Variants in LPCAT1 observed in about 807,000 individuals in gnomAD.
LPCAT1 encodes 1-acylglycerol-3-phosphate O-acyltransferase.
Under a neutral mutation model 60.9 loss-of-function variants are expected in LPCAT1, and 23 were observed. The ratio of observed to expected loss-of-function variants is 0.38; its 90% CI spans 0.27 to 0.53. The LOEUF (loss-of-function observed/expected upper bound fraction) is 0.53, where lower values mean the gene tolerates loss of function less well. Ranked by LOEUF, LPCAT1 falls within the 20% of genes least tolerant of loss-of-function variation. LPCAT1 has a pLI of 0.82. For synonymous variants in LPCAT1, 340 were observed against 301.1 expected (o/e 1.13, Z -1.34); for missense variants, 622 against 723.6 (o/e 0.86, Z 1.61).
At chr5:1,467,281 C>T (rs1480114615) in intron 12 of LPCAT1, 11 of 210,970 alleles carry the variant, frequency 5.2e-5, no homozygotes, top group African/African-American at 2.5e-4. Flanking sequence ...CCTCTGCCTC[C>T]GTGAGTGCAG....
At chr5:1,506,050 G>A (rs568435976) in intron 1 of LPCAT1, among the ~76,000 whole-genome samples, 3 of 152,254 alleles carry the variant, frequency 2.0e-5, no homozygotes, top group Non-Finnish European at 4.4e-5. Flanking sequence ...AGAGGGGCCT[G>A]TGGGCCACAG....
intron 12 of LPCAT1, 46 bp from the exon 13 acceptor site, chr5:1,466,936 A>C: frequency 6.8e-7 from 1 of 1,474,866 alleles, no homozygotes; most frequent in South Asian, 1.4e-5. Flanking sequence ...TCCCCTGCCC[A>C]CCAGGCCCCG....
rs1736061979 is a variant in LPCAT1 at position 1,502,667 on chromosome 5, GA to G, written c.136-1065del. ...AGGGGCGGGAGGCTTTGGGTGAGGGGAAACACCAGTCCTGAGGTGCAGGTTT... is the reference window on the plus strand; with the variant it reads ...AGGGGCGGGAGGCTTTGGGTGAGGGGAACACCAGTCCTGAGGTGCAGGTTT... On this transcript the variant is annotated intron_variant, in intron 1 of 13. Transcript: ENST00000283415. The surrounding 1 kb of genome is among the most constrained non-coding windows in gnomAD (Gnocchi z 5.5). Among the ~76,000 whole-genome samples, 1 of 151,976 alleles carries G rather than the reference GA, an allele frequency of 6.6e-6. No individual in the cohort carries two copies.
chr5:1,509,176 C>T (rs538842209), intron 1 of LPCAT1, among the ~76,000 whole-genome samples: 29 of 152,376 alleles, frequency 1.9e-4, no homozygotes, highest in East Asian at 7.7e-4. Context: ...ACTCGAAGGC[C>T]GCGAGGCCGC....
chr5:1,467,098 G>A (rs1579752086), intron 12 of LPCAT1: 1 of 426,046 alleles, frequency 2.3e-6, no homozygotes, highest in East Asian at 3.6e-5. Context: ...CAGGTGCCTC[G>A]TGGACACACA....
chr5:1,467,019 G>T, intron 12 of LPCAT1, 129 bp from the exon 13 acceptor site: 2 of 998,034 alleles, frequency 2.0e-6, no homozygotes, highest in Non-Finnish European at 2.6e-6. Context: ...CCGGCGGCTG[G>T]ACACGGGGGA....
intron 3 of LPCAT1, among the ~76,000 whole-genome samples, chr5:1,491,688 TGCCA>T (rs1222563318): frequency 6.6e-6 from 1 of 152,184 alleles, no homozygotes; most frequent in African/African-American, 2.4e-5. Context: ...TGGCGCATTT[TGCCA>T]GCAAGAAGGT....
chr5:1,492,257 G>A (rs1735614898), intron 3 of LPCAT1, among the ~76,000 whole-genome samples: 2 of 151,814 alleles, frequency 1.3e-5, no homozygotes, highest in Admixed American at 1.3e-4. Context: ...TGGAGCCTGG[G>A]GAGATGTCTC....
rs1395059469 is a variant in LPCAT1, at chr5:1,494,816, T to A, written c.377A>T (p.Glu126Val). Residue 126 changes from glutamate to valine, a missense_variant, in exon 3 of 14, where the codon GAG (glutamate) becomes GTG (valine). This residue lies in a region of LPCAT1 where 209 missense variants were observed against 325.5 expected (regional missense o/e 0.64). Transcript: ENST00000283415. ...AGGCGCGAGCGTGAGGATGGCCGCC[T>A]CGGTGGGCAGCGCCTGCCGCCCCTT... ...AVKGRQALPT[E>V]AAILTLAPHS... is the part of the protein sequence containing the mutation. 6.2e-7 allele frequency: 1 copy of A among 1,613,658 alleles called. No homozygotes were observed. The highest frequency in any genetic ancestry group is 8.5e-7 in the Non-Finnish European group (1 of 1,179,978).
At chr5:1,491,263 G>A (rs549706861) in intron 3 of LPCAT1, among the ~76,000 whole-genome samples, 85 of 152,282 alleles carry the variant, frequency 5.6e-4, no homozygotes, top group South Asian at 6.2e-4. Flanking sequence ...TGGCGCACGC[G>A]TCAAAGAAAT....
intron 2 of LPCAT1, among the ~76,000 whole-genome samples, chr5:1,497,039 A>G (rs529786279): frequency 6.6e-6 from 1 of 152,352 alleles, no homozygotes; most frequent in East Asian, 1.9e-4. Flanking sequence ...ACGTGTGAGC[A>G]GAGCAGCTGC....
chr5:1,462,958 G>C lies in LPCAT1; in HGVS notation c.*693C>G, dbSNP rs954855771. On this transcript the variant is annotated 3_prime_UTR_variant, in exon 14 of 14. Coordinates refer to ENST00000283415, the MANE Select transcript of LPCAT1 (RefSeq NM_024830.5). ...AAGGAGAGGGATTACCTGCTGGAGA[G>C]AGGCCTGATGGAAATTTAAGTCAAA... is the stretch of plus-strand genomic sequence containing the variant. The C allele has an allele frequency of 2.0e-5, 3 of 151,858 alleles. No homozygotes were observed. The highest frequency in any genetic ancestry group is 2.1e-4 in the South Asian group (1 of 4,812). 9.4% of individuals were successfully genotyped at this position (151,858 alleles called of 1,614,324 possible). A position where few individuals can be genotyped will look rare whatever the true frequency, so the allele number is the denominator to read the frequency against.
At chr5:1,506,992 A>C (rs1448008626) in intron 1 of LPCAT1, among the ~76,000 whole-genome samples, 1 of 152,200 alleles carries the variant, frequency 6.6e-6, no homozygotes. Context: ...TGCGGAACCA[A>C]GACATCACTG....
chr5:1,483,298 T>C lies in LPCAT1; in HGVS notation c.726+130A>G. On this transcript the variant is annotated intron_variant, in intron 6 of 13. Transcript: ENST00000283415. The surrounding 1 kb of genome is among the most constrained non-coding windows in gnomAD (Gnocchi z 9.2). Reference sequence around the variant, plus strand: ...GCGCTGAGGCCGGATGGACTCAGCATGGCCAAGTGTGGGCTGTGGCGCAGA... The same window carrying C: ...GCGCTGAGGCCGGATGGACTCAGCACGGCCAAGTGTGGGCTGTGGCGCAGA... 4 of 1,042,764 alleles carry C rather than the reference T, an allele frequency of 3.8e-6. No homozygotes were observed. The South Asian group carries it at 5.2e-5, about 13-fold the overall frequency. 64.6% of individuals were successfully genotyped at this position (1,042,764 alleles called of 1,614,324 possible). A position where few individuals can be genotyped will look rare whatever the true frequency, so the allele number is the denominator to read the frequency against.
Position 1,463,780 on chromosome 5 carries a change from G to A in LPCAT1, c.1476C>T (p.Tyr492=), listed in dbSNP as rs866874500. 6.2e-6 allele frequency: 10 copies of A among 1,614,152 alleles called. No homozygotes were observed. Among genetic ancestry groups the A allele is most frequent in the Middle Eastern group, 3.3e-4 (2 of 6,084 alleles). The change falls in exon 14 of 14, where the codon TAC becomes TAT. Residue 492 remains tyrosine, a synonymous_variant. Coordinates refer to ENST00000283415, the MANE Select transcript of LPCAT1 (RefSeq NM_024830.5). ...AGCTTTCGAAATGTGTCTGATCCGG[G>A]TACAGGTATTCCTCTGCGAAGGCAG... ...MYPAFAEEYL[Y]PDQTHFESCA...
chr5:1,512,806 A>G (rs368172180), intron 1 of LPCAT1, among the ~76,000 whole-genome samples: 11 of 152,244 alleles, frequency 7.2e-5, no homozygotes, highest in African/African-American at 2.7e-4. Flanking sequence ...GGTGTGTGAA[A>G]GAAAACACGC....
chr5:1,482,909 C>T (rs940098659), intron 6 of LPCAT1, among the ~76,000 whole-genome samples: 12 of 152,226 alleles, frequency 7.9e-5, no homozygotes, highest in African/African-American at 2.9e-4. Context: ...TCTCTTAAAC[C>T]AAACAAAACC....
At chr5:1,482,172 A>G (rs1462944997) in intron 6 of LPCAT1, among the ~76,000 whole-genome samples, 1 of 151,872 alleles carries the variant, frequency 6.6e-6, no homozygotes, top group Non-Finnish European at 1.5e-5. Flanking sequence ...GGCCGTCTTT[A>G]TGCTCCAGGA....
At position 1,523,077 on chromosome 5, in the gene LPCAT1, C is replaced by A. The variant is rs538316356; in HGVS notation, c.135+633G>T. Among the ~76,000 whole-genome samples the A allele has an allele frequency of 6.6e-6, 1 of 152,356 alleles. No individual in the cohort carries two copies. The highest frequency in any genetic ancestry group is 2.4e-5 in the African/African-American group (1 of 41,592). ...CCTTACAACAGGAGCGAAGCATGCACCCCAGAAGGCAACGTGCGGCCGCAG... is the reference window on the plus strand; with the variant it reads ...CCTTACAACAGGAGCGAAGCATGCAACCCAGAAGGCAACGTGCGGCCGCAG... On this transcript the variant is annotated intron_variant, in intron 1 of 13. Transcript: ENST00000283415. This position sits in a 1 kb window ranked among gnomAD's most constrained non-coding sequence, Gnocchi z 7.1.
Sources: gnomAD v4.1 joint callset for allele counts (sites outside exome capture counted in the v4.1 genomes callset) on GRCh38, gnomAD v4.1.1 for gene constraint, gnomAD v4.1.1 regional missense constraint, Gnocchi (gnomAD v3.1) non-coding constraint, MANE v1.5 for transcripts, NCBI Gene and HGNC (gene_info 2026-07-23, HGNC 2026-07-21) for gene names.